Variants in EXOC6B observed in about 807,000 individuals in gnomAD.
EXOC6B encodes exocyst complex component 6B.
EXOC6B carries 54 observed loss-of-function variants against 113.5 expected under a neutral mutation model. The observed-to-expected ratio is 0.48, with a 90% CI of 0.38 to 0.60. The LOEUF is 0.60. Ranked by LOEUF, EXOC6B falls within the 20% of genes least tolerant of loss-of-function variation. EXOC6B has a pLI of 0.00. For missense variants in EXOC6B, 797 were observed against 977.5 expected (o/e 0.82, Z 2.46); for synonymous variants, 357 against 339.0 (o/e 1.05, Z -0.58).
At chr2:72,430,735 C>T (rs527879653) in intron 18 of EXOC6B, among the ~76,000 whole-genome samples, 2 of 152,306 alleles carry the variant, frequency 1.3e-5, no homozygotes, top group African/African-American at 4.8e-5. Flanking sequence ...TATCATTTCA[C>T]TAGCAACCAA....
chr2:72,436,441 G>C lies in EXOC6B; in HGVS notation c.1980+28719C>G, dbSNP rs1573114894. ...CTGTATTTCCTGAATTTGAATGCTG[G>C]CCTGTCTTGCTAGGTTGGGGAAGTT... On this transcript the variant is annotated intron_variant, in intron 18 of 21. Transcript: ENST00000272427. 2.6e-5 allele frequency among the ~76,000 whole-genome samples: 4 copies of C among 152,168 alleles called. No individual in the cohort carries two copies. In the South Asian group the frequency reaches 8.3e-4, roughly 32 times the overall value.
At chr2:72,578,510 C>T (rs1228054772) in intron 6 of EXOC6B, among the ~76,000 whole-genome samples, 1 of 152,050 alleles carries the variant, frequency 6.6e-6, no homozygotes, top group Non-Finnish European at 1.5e-5. Flanking sequence ...ACCCTTCCTA[C>T]AAAACCCAAG....
chr2:72,495,611 G>T, intron 14 of EXOC6B, 72 bp from the exon 15 acceptor site: 2 of 826,390 alleles, frequency 2.4e-6, no homozygotes, highest in Non-Finnish European at 3.9e-6. Context: ...AATTATTTAG[G>T]TTGCAAAAAG....
intron 1 of EXOC6B, among the ~76,000 whole-genome samples, chr2:72,804,118 A>G (rs915294508): frequency 6.6e-6 from 1 of 152,220 alleles, no homozygotes; most frequent in Non-Finnish European, 1.5e-5. Flanking sequence ...GACAAAGAAT[A>G]GGTTGTTCTC....
chr2:72,209,178 G>A (rs112941147), intron 20 of EXOC6B, among the ~76,000 whole-genome samples: 28,088 of 138,624 alleles, frequency 0.2, 2,855 homozygotes, highest in Admixed American at 0.22. Flanking sequence ...AGCTGAGATC[G>A]CGCCATTGCA....
intron 20 of EXOC6B, among the ~76,000 whole-genome samples, chr2:72,326,384 A>G (rs373345426): frequency 6.8e-4 from 104 of 152,266 alleles, no homozygotes; most frequent in African/African-American, 2.3e-3. Flanking sequence ...AGAAGCAGAA[A>G]GTAGTGCAAT....
chr2:72,412,999 C>A (rs1453095738), intron 18 of EXOC6B, among the ~76,000 whole-genome samples: 3 of 152,008 alleles, frequency 2.0e-5, no homozygotes, highest in African/African-American at 7.2e-5. Flanking sequence ...CGCTCTGTCA[C>A]CCAGGCTGGA....
At chr2:72,482,737 A>G (rs1408288627) in intron 16 of EXOC6B, among the ~76,000 whole-genome samples, 1 of 152,212 alleles carries the variant, frequency 6.6e-6, no homozygotes, top group Admixed American at 6.5e-5. Context: ...CACACACTTC[A>G]TTCTCAAAAA....
intron 8 of EXOC6B, among the ~76,000 whole-genome samples, chr2:72,526,247 G>T (rs1206216355): frequency 6.6e-6 from 1 of 151,900 alleles, no homozygotes; most frequent in Non-Finnish European, 1.5e-5. Context: ...TGTTACAGAT[G>T]AAGGCAGTGA....
intron 6 of EXOC6B, among the ~76,000 whole-genome samples, chr2:72,654,131 G>A (rs942168997): frequency 3.3e-5 from 5 of 152,100 alleles, no homozygotes; most frequent in South Asian, 4.1e-4. Context: ...CATCGCGCCC[G>A]GCTAATTTTT....
intron 1 of EXOC6B, among the ~76,000 whole-genome samples, chr2:72,769,920 C>G (rs1683314636): frequency 6.6e-6 from 1 of 152,156 alleles, no homozygotes; most frequent in Non-Finnish European, 1.5e-5. Flanking sequence ...AAGTATCAGA[C>G]TTCTCCACAG....
At chr2:72,298,521 T>A (rs1686294167) in intron 20 of EXOC6B, among the ~76,000 whole-genome samples, 1 of 152,218 alleles carries the variant, frequency 6.6e-6, no homozygotes, top group Non-Finnish European at 1.5e-5. Context: ...AATTTGATCC[T>A]GTCATTATGA....
intron 17 of EXOC6B, among the ~76,000 whole-genome samples, chr2:72,470,741 G>C (rs1486419552): frequency 6.6e-6 from 1 of 151,142 alleles, no homozygotes; most frequent in Admixed American, 6.6e-5. Context: ...CCTTGCTATA[G>C]TTTGCTGAGA....
At chr2:72,419,649 T>C (rs1694745573) in intron 18 of EXOC6B, among the ~76,000 whole-genome samples, 1 of 152,226 alleles carries the variant, frequency 6.6e-6, no homozygotes, top group Admixed American at 6.5e-5. Context: ...GCCTCCAACA[T>C]TTCTGATGCG....
chr2:72,786,029 G>A (rs908587186), intron 1 of EXOC6B, among the ~76,000 whole-genome samples: 5 of 152,144 alleles, frequency 3.3e-5, no homozygotes, highest in Non-Finnish European at 5.9e-5. Flanking sequence ...TTTGAGATCA[G>A]CCTGGGCAAG....
At chr2:72,456,024 T>G (rs938743957) in intron 18 of EXOC6B, among the ~76,000 whole-genome samples, 3 of 152,114 alleles carry the variant, frequency 2.0e-5, no homozygotes, top group Admixed American at 6.6e-5. Context: ...GGCAAGACCC[T>G]GTTAGGCCTC....
chr2:72,318,964 GATT>G (rs1687690461), intron 20 of EXOC6B, among the ~76,000 whole-genome samples: 1 of 150,710 alleles, frequency 6.6e-6, no homozygotes, highest in South Asian at 2.1e-4. Context: ...ACTGATGCAT[GATT>G]ATACTTCCCG....
chr2:72,668,895 C>A (rs952919027), intron 6 of EXOC6B, among the ~76,000 whole-genome samples: 1 of 152,038 alleles, frequency 6.6e-6, no homozygotes, highest in Admixed American at 6.6e-5. Context: ...TAATAAACCT[C>A]CACATGTACC....
At chr2:72,242,327 G>A (rs1373197657) in intron 20 of EXOC6B, among the ~76,000 whole-genome samples, 1 of 152,174 alleles carries the variant, frequency 6.6e-6, no homozygotes, top group African/African-American at 2.4e-5. Flanking sequence ...TTATGAATAA[G>A]TGAAATAAAC....
Sources: allele counts gnomAD v4.1 joint callset (sites outside exome capture counted in the v4.1 genomes callset), GRCh38; gene constraint gnomAD v4.1.1; transcripts MANE v1.5; gene names NCBI Gene and HGNC (gene_info 2026-07-23, HGNC 2026-07-21).